PCDH7: variants seen among roughly 807,000 people sequenced by gnomAD.
The protein encoded by PCDH7 is protocadherin 7, also known as protocadherin-7.
In PCDH7, 17 loss-of-function variants were observed where a neutral mutation model predicts 58.9. The observed-to-expected ratio is 0.29, with a 90% CI of 0.20 to 0.43. PCDH7 has a LOEUF of 0.43. Among genes scored for constraint, PCDH7 ranks in the 20% least tolerant of loss-of-function variants. The pLI, the probability that PCDH7 is intolerant of heterozygous loss-of-function variation, is 1.00. For synonymous variants in PCDH7, 664 were observed against 616.4 expected, an observed-to-expected ratio of 1.08 and a Z score of -1.14; for missense variants, 1,274 against 1,441.0, an observed-to-expected ratio of 0.88 and a Z score of 1.88.
chr4:31,093,725 T>G (rs762034463), intron 3 of PCDH7, among the ~76,000 whole-genome samples: 1 of 152,254 alleles, frequency 6.6e-6, no homozygotes, highest in South Asian at 2.1e-4. Context: ...ATAATCAATT[T>G]AATAATTCTT....
At chr4:30,734,704 T>C (rs1716001340), downstream of PCDH7, among the ~76,000 whole-genome samples, 1 of 152,126 alleles carries the variant, frequency 6.6e-6, no homozygotes, top group East Asian at 1.9e-4. Flanking sequence ...GCCATCACAG[T>C]ATTTCCAGTG....
intron 3 of PCDH7, among the ~76,000 whole-genome samples, chr4:30,982,493 T>C (rs573805148): frequency 3.9e-5 from 6 of 152,212 alleles, no homozygotes; most frequent in Non-Finnish European, 8.8e-5. Flanking sequence ...GGAGGTAGAA[T>C]TGTGGTACCA....
rs1310192898 is a variant in PCDH7, at chr4:30,785,585, A to ATTT, written c.70+60990_70+60991insTTT. Among the ~76,000 whole-genome samples the ATTT allele has an allele frequency of 3.3e-5, 5 of 152,176 alleles. No individual in the cohort carries two copies. The East Asian group carries it at 7.7e-4, about 24-fold the overall frequency. The stretch of plus-strand genomic sequence containing the variant: ...TAACTTTATACAGCTAATATTGATA[A>ATTT]TATACTGTCAGAGCATTTTAATGCA... On this transcript the variant is annotated intron_variant, in intron 1 of 3. Coordinates refer to the PCDH7 transcript ENST00000509759.
At chr4:31,020,416 T>C (rs371540266) in intron 3 of PCDH7, among the ~76,000 whole-genome samples, 1 of 152,334 alleles carries the variant, frequency 6.6e-6, no homozygotes, top group South Asian at 2.1e-4. Flanking sequence ...TGTGTGTATG[T>C]GTGTGTTTGT....
At chr4:30,790,245 T>G (rs1392510511) in intron 1 of PCDH7, among the ~76,000 whole-genome samples, 2 of 152,220 alleles carry the variant, frequency 1.3e-5, no homozygotes, top group Non-Finnish European at 2.9e-5. Context: ...AGGCGATATA[T>G]TCATTGCTCT....
At chr4:31,006,848 C>T (rs969432966) in intron 3 of PCDH7, among the ~76,000 whole-genome samples, 20 of 150,562 alleles carry the variant, frequency 1.3e-4, no homozygotes, top group African/African-American at 3.7e-4. Flanking sequence ...GCTGAGATCA[C>T]GCTACTGCAC....
intron 1 of PCDH7, among the ~76,000 whole-genome samples, chr4:30,758,808 A>G (rs1001720886): frequency 7.4e-4 from 112 of 152,304 alleles, no homozygotes; most frequent in African/African-American, 2.6e-3. Flanking sequence ...AGTATTTCAT[A>G]TAATAAATTA....
At chr4:31,019,686 A>C (rs1753880771) in intron 3 of PCDH7, among the ~76,000 whole-genome samples, 1 of 141,590 alleles carries the variant, frequency 7.1e-6, no homozygotes, top group East Asian at 2.1e-4. Context: ...AGACTCTGTC[A>C]AAAAAAAAAA....
downstream of PCDH7, among the ~76,000 whole-genome samples, chr4:30,736,535 A>ATTTTTTTTTT: frequency 7.4e-6 from 1 of 134,576 alleles, no homozygotes; most frequent in Non-Finnish European, 1.6e-5. Context: ...ATTTTCATTT[A>ATTTTTTTTTT]TTTTTTTTTT....
chr4:31,097,682 T>C (rs1470000436), intron 3 of PCDH7, among the ~76,000 whole-genome samples: 3 of 140,936 alleles, frequency 2.1e-5, no homozygotes, highest in African/African-American at 5.3e-5. Flanking sequence ...GTGAGGCTTA[T>C]CAATTTTATG....
At chr4:30,853,752 C>CT (rs1453269076) in intron 1 of PCDH7, among the ~76,000 whole-genome samples, 4 of 151,616 alleles carry the variant, frequency 2.6e-5, no homozygotes, top group African/African-American at 7.3e-5. Flanking sequence ...ATTAGCATCC[C>CT]TTTTTTTTCT....
intron 1 of PCDH7, among the ~76,000 whole-genome samples, chr4:30,857,952 T>C (rs927658997): frequency 2.6e-5 from 4 of 152,170 alleles, no homozygotes; most frequent in Non-Finnish European, 5.9e-5. Context: ...ATATATGCTT[T>C]GTGCACAAAT....
At chr4:30,799,602 T>G (rs1362160624) in intron 1 of PCDH7, among the ~76,000 whole-genome samples, 5 of 152,176 alleles carry the variant, frequency 3.3e-5, no homozygotes, top group African/African-American at 1.2e-4. Context: ...TTATCTGAAT[T>G]TTTTGTTAGT....
intron 1 of PCDH7, among the ~76,000 whole-genome samples, chr4:30,819,154 G>A (rs1191334235): frequency 2.0e-5 from 3 of 152,104 alleles, no homozygotes; most frequent in Non-Finnish European, 4.4e-5. Flanking sequence ...GACTCATAGT[G>A]GATAAAGTCT....
intron 3 of PCDH7, among the ~76,000 whole-genome samples, chr4:31,052,800 T>C (rs1267331548): frequency 6.6e-6 from 1 of 152,170 alleles, no homozygotes; most frequent in East Asian, 1.9e-4. Flanking sequence ...TTGTGTGAGA[T>C]TGAATTTCAA....
At chr4:30,878,194 G>C (rs1172304322) in intron 1 of PCDH7, among the ~76,000 whole-genome samples, 1 of 152,210 alleles carries the variant, frequency 6.6e-6, no homozygotes, top group African/African-American at 2.4e-5. Context: ...TTTTAGGTGA[G>C]GCCTCCTTCT....
At chr4:30,784,587 T>C (rs1488429271) in intron 1 of PCDH7, among the ~76,000 whole-genome samples, 1 of 152,074 alleles carries the variant, frequency 6.6e-6, no homozygotes, top group East Asian at 1.9e-4. Context: ...AAAATAAAAA[T>C]TAAAACATTT....
chr4:31,052,467 T>C (rs1756835833), intron 3 of PCDH7, among the ~76,000 whole-genome samples: 1 of 152,134 alleles, frequency 6.6e-6, no homozygotes, highest in Non-Finnish European at 1.5e-5. Context: ...GATTAAATAA[T>C]GCAATGAATT....
At chr4:31,015,453 T>C (rs1438207972) in intron 3 of PCDH7, among the ~76,000 whole-genome samples, 2 of 152,156 alleles carry the variant, frequency 1.3e-5, no homozygotes, top group African/African-American at 4.8e-5. Context: ...ACACAAACCA[T>C]GGAACACTTT....
Sources: allele counts gnomAD v4.1 joint callset (sites outside exome capture counted in the v4.1 genomes callset), GRCh38; gene constraint gnomAD v4.1.1; transcripts MANE v1.5; gene names NCBI Gene and HGNC (gene_info 2026-07-23, HGNC 2026-07-21).